Variants in UNC5D observed in about 807,000 individuals in gnomAD.
UNC5D encodes the protein netrin receptor UNC5D.
A neutral mutation model predicts 105.4 loss-of-function variants in UNC5D; 39 were observed. That is an observed-to-expected ratio of 0.37 (90% CI 0.29 to 0.48). The LOEUF (loss-of-function observed/expected upper bound fraction) is 0.48. Among genes scored for constraint, UNC5D ranks in the 20% least tolerant of loss-of-function variants. The pLI, the probability that UNC5D is intolerant of heterozygous loss-of-function variation, is 0.98. For missense variants in UNC5D, 991 were observed against 1,202.4 expected, an observed-to-expected ratio of 0.82 and a Z score of 2.60; for synonymous variants, 452 against 450.4, an observed-to-expected ratio of 1.00 and a Z score of -0.04.
chr8:35,459,487 T>A (rs983982298), intron 1 of UNC5D, among the ~76,000 whole-genome samples: 1 of 152,224 alleles, frequency 6.6e-6, no homozygotes, highest in Non-Finnish European at 1.5e-5. Flanking sequence ...CAATCACACA[T>A]AGCTGAATTT....
intron 1 of UNC5D, among the ~76,000 whole-genome samples, chr8:35,393,125 CTTTTT>C (rs34886215): frequency 5.3e-5 from 4 of 75,098 alleles, no homozygotes; most frequent in Admixed American, 1.8e-4. Context: ...CCTATTCCTA[CTTTTT>C]TTTTTTTTTT....
At chr8:35,477,561 G>T (rs1395997336) in intron 1 of UNC5D, among the ~76,000 whole-genome samples, 1 of 151,998 alleles carries the variant, frequency 6.6e-6, no homozygotes, top group Admixed American at 6.6e-5. Flanking sequence ...GAGAAAATTT[G>T]CATGAATCCA....
chr8:35,771,093 G>C (rs1276521093), intron 15 of UNC5D, among the ~76,000 whole-genome samples: 1 of 152,162 alleles, frequency 6.6e-6, no homozygotes, highest in African/African-American at 2.4e-5. Context: ...AAAACTTTAA[G>C]AGGGAAATAG....
intron 4 of UNC5D, among the ~76,000 whole-genome samples, chr8:35,643,234 T>C (rs1254793447): frequency 1.3e-5 from 2 of 152,186 alleles, no homozygotes; most frequent in African/African-American, 4.8e-5. Context: ...CAGCCAAATA[T>C]GTCTCCAGAC....
At chr8:35,552,671 A>G (rs1816250768) in intron 2 of UNC5D, among the ~76,000 whole-genome samples, 1 of 152,210 alleles carries the variant, frequency 6.6e-6, no homozygotes, top group Non-Finnish European at 1.5e-5. Context: ...AGGATTTGGC[A>G]TTTCGATGGG....
intron 16 of UNC5D, among the ~76,000 whole-genome samples, chr8:35,774,913 T>TAAGA (rs1802173540): frequency 8.0e-6 from 1 of 124,442 alleles, no homozygotes; most frequent in Non-Finnish European, 1.5e-5. Flanking sequence ...GGCAACAGAG[T>TAAGA]AAGACCCTCC....
At chr8:35,663,425 T>C (rs1824232011) in intron 4 of UNC5D, among the ~76,000 whole-genome samples, 1 of 152,182 alleles carries the variant, frequency 6.6e-6, no homozygotes, top group Non-Finnish European at 1.5e-5. Flanking sequence ...TTGATTGCAA[T>C]AGCAACTGTG....
intron 1 of UNC5D, among the ~76,000 whole-genome samples, chr8:35,243,995 A>G (rs1180645738): frequency 6.6e-6 from 1 of 152,234 alleles, no homozygotes; most frequent in Non-Finnish European, 1.5e-5. Context: ...TTAGACAGAT[A>G]CTAAGGCCTA....
At chr8:35,450,881 T>C (rs1450988804) in intron 1 of UNC5D, among the ~76,000 whole-genome samples, 1 of 152,160 alleles carries the variant, frequency 6.6e-6, no homozygotes, top group Non-Finnish European at 1.5e-5. Context: ...TGTCCAATGA[T>C]AGGCTAAAGT....
chr8:35,521,030 A>G (rs1051082846), intron 1 of UNC5D, among the ~76,000 whole-genome samples: 3 of 152,058 alleles, frequency 2.0e-5, no homozygotes, highest in African/African-American at 4.8e-5. Context: ...TTCCTTTTTC[A>G]CTCAAGAGAC....
At chr8:35,741,569 A>C (rs7824631) in intron 11 of UNC5D, among the ~76,000 whole-genome samples, 21,914 of 152,090 alleles carry the variant, frequency 0.14, 3,707 homozygotes, top group African/African-American at 0.4. Context: ...CCCAACCTGA[A>C]ATCCTTGCCT....
At chr8:35,705,856 G>T in intron 7 of UNC5D, 73 bp from the exon 8 acceptor site, 1 of 969,016 alleles carries the variant, frequency 1.0e-6, no homozygotes, top group Non-Finnish European at 1.5e-6. Flanking sequence ...GATATAAAGT[G>T]AAACAGGAAA....
chr8:35,768,468 C>CA (rs879372577), intron 15 of UNC5D, among the ~76,000 whole-genome samples: 108 of 152,028 alleles, frequency 7.1e-4, no homozygotes, highest in African/African-American at 2.5e-3. Flanking sequence ...AAAATAAAAA[C>CA]AAAAAATCCA....
intron 1 of UNC5D, among the ~76,000 whole-genome samples, chr8:35,458,262 G>A (rs1248164999): frequency 1.3e-5 from 2 of 152,046 alleles, no homozygotes; most frequent in Admixed American, 6.6e-5. Flanking sequence ...ATGCCTCCCA[G>A]TACCTTTCCC....
intron 1 of UNC5D, among the ~76,000 whole-genome samples, chr8:35,404,279 G>A (rs1431022760): frequency 6.6e-6 from 1 of 152,116 alleles, no homozygotes; most frequent in Admixed American, 6.6e-5. Flanking sequence ...TTTGTCAAGA[G>A]GCCAAGAAAG....
rs1412555692 is a variant in UNC5D at position 35,793,217 on chromosome 8, A to T, written c.*2654A>T. 1 of 439,730 alleles carries T rather than the reference A, an allele frequency of 2.3e-6. No individual in the cohort carries two copies. Among genetic ancestry groups the T allele is most frequent in the East Asian group, 7.1e-5 (1 of 14,032 alleles). The allele number at this position is 439,730 out of a possible 1,614,324, so 27.2% of individuals were successfully genotyped here. ...TGTCAGGATTGCACAGTATGTTACA[A>T]TACAATTTCAAAGAGAACCCACATT... On this transcript the variant is annotated 3_prime_UTR_variant, in exon 17 of 17. Transcript: ENST00000404895.
chr8:35,594,654 C>T (rs1379211693), intron 3 of UNC5D, among the ~76,000 whole-genome samples: 2 of 152,122 alleles, frequency 1.3e-5, no homozygotes, highest in South Asian at 2.1e-4. Context: ...TAAAGGCCAA[C>T]TCCCCACCTT....
chr8:35,441,467 G>A (rs957926054), intron 1 of UNC5D, among the ~76,000 whole-genome samples: 8 of 151,706 alleles, frequency 5.3e-5, no homozygotes, highest in Admixed American at 2.6e-4. Context: ...AGGCATTCAC[G>A]GAGGGCCTTG....
At chr8:35,249,037 TA>T in intron 1 of UNC5D, among the ~76,000 whole-genome samples, 1 of 77,734 alleles carries the variant, frequency 1.3e-5, no homozygotes, top group African/African-American at 5.1e-5. Context: ...TTATATAATA[TA>T]TATTATATAA....
Sources: gnomAD v4.1 joint callset for allele counts (sites outside exome capture counted in the v4.1 genomes callset) on GRCh38, gnomAD v4.1.1 for gene constraint, MANE v1.5 for transcripts, NCBI Gene and HGNC (gene_info 2026-07-23, HGNC 2026-07-21) for gene names.